Variants in ZNF417 observed in about 807,000 individuals in gnomAD.
ZNF417 encodes zinc finger protein 417.
ZNF417 carries 5 observed loss-of-function variants against 7.4 expected under a neutral mutation model. The ratio of observed to expected loss-of-function variants is 0.68; its 90% CI spans 0.35 to 1.43. The LOEUF (loss-of-function observed/expected upper bound fraction) is 1.43, where lower values mean the gene tolerates loss of function less well. ZNF417 is among the 40% of genes most tolerant of loss of function. ZNF417 has a pLI of 0.04. For missense variants in ZNF417, 437 were observed against 697.3 expected (o/e 0.63, Z 4.20); for synonymous variants, 147 against 239.1 (o/e 0.61, Z 3.55).
chr19:57,916,528 C>A lies in ZNF417; in HGVS notation c.-117G>T. ...CCTTCTAGGTTCAGTCACCGCGGTCCCCCCCCAGCACTCAGGGGCCACAAA... is the reference window on the plus strand; with the variant it reads ...CCTTCTAGGTTCAGTCACCGCGGTCACCCCCCAGCACTCAGGGGCCACAAA... On this transcript the variant is annotated 5_prime_UTR_variant, in exon 1 of 3. Transcript: ENST00000312026. The A allele has an allele frequency of 1.9e-6, 3 of 1,572,752 alleles. No individual in the cohort carries two copies. The highest frequency in any genetic ancestry group is 1.2e-5 in the South Asian group (1 of 86,576).
intron 2 of ZNF417, 133 bp downstream of exon 2, chr19:57,911,927 A>G: frequency 6.9e-7 from 1 of 1,439,540 alleles, no homozygotes; most frequent in Admixed American, 2.7e-5. Context: ...AAGGCAATAC[A>G]CACAACTTAC....
intron 1 of ZNF417, chr19:57,915,707 C>T (rs1600150824): frequency 2.5e-6 from 1 of 401,998 alleles, no homozygotes; most frequent in Non-Finnish European, 4.4e-6. Flanking sequence ...AAAAGACCCC[C>T]TTCTTGCCTG....
chr19:57,908,848 T>C lies in ZNF417; in HGVS notation c.1430A>G (p.Asn477Ser). The C allele has an allele frequency of 6.2e-7, 1 of 1,614,102 alleles. No homozygotes were observed. ...AATCCTCTGATGTATAGTCACGCAG[T>C]TCTTATTACCAAATAATTTCCCACA... Reference protein sequence around the residue: ...EVCGKLFGNKNCVTIHQRIHT... With the variant: ...EVCGKLFGNKSCVTIHQRIHT... The change falls in exon 3 of 3, where the codon AAC (asparagine) becomes AGC (serine). Residue 477 changes from asparagine to serine, a missense_variant. Physicochemically the swap from Asn to Ser is conservative, Grantham distance 46. Around this residue, in one of 5 missense-constraint regions of ZNF417, gnomAD observed 233 missense variants for 235.5 expected, o/e 0.99. Coordinates refer to ENST00000312026, the MANE Select transcript of ZNF417 (RefSeq NM_152475.3).
At position 57,916,575 on chromosome 19, in the gene ZNF417, C is replaced by A; in HGVS notation, c.-164G>T. On this transcript the variant is annotated 5_prime_UTR_variant, in exon 1 of 3. Transcript: ENST00000312026. ...CAAACTGGGGAAACACCCGCGTCAC[C>A]GATACACAGCCGCTACTAGAGACCC... 6.8e-7 allele frequency: 1 copy of A among 1,480,070 alleles called. No individual in the cohort carries two copies. Among genetic ancestry groups the A allele is most frequent in the East Asian group, 2.5e-5 (1 of 40,752 alleles). The allele number at this position is 1,480,070 out of a possible 1,614,324, so 91.7% of individuals were successfully genotyped here. A position where few individuals can be genotyped will look rare whatever the true frequency, so the allele number is the denominator to read the frequency against.
Position 57,908,789 on chromosome 19 carries a change from A to G in ZNF417, c.1489T>C (p.Cys497Arg). The G allele has an allele frequency of 6.2e-7, 1 of 1,613,072 alleles. No homozygotes were observed. Among genetic ancestry groups the G allele is most frequent in the African/African-American group, 1.3e-5 (1 of 75,014 alleles). Residue 497 changes from cysteine (C) to arginine (R), a missense_variant, in exon 3 of 3, where the codon TGT (cysteine) becomes CGT (arginine). Transcript: ENST00000312026. Reference protein sequence around the residue: ...TGERPYECNECGKSFLSSSAL... With the variant: ...TGERPYECNERGKSFLSSSAL... ...GAGCTGGAAAGAAATGATTTCCCAC[A>G]TTCATTGCATTCATACGGCCTTTCT...
At chr19:57,912,831 T>G (rs571649878) in intron 1 of ZNF417, among the ~76,000 whole-genome samples, 1 of 151,964 alleles carries the variant, frequency 6.6e-6, no homozygotes, top group South Asian at 2.1e-4. Flanking sequence ...GCCAGGCTGG[T>G]CTTGAGCTCC....
At chr19:57,912,338 G>C in intron 1 of ZNF417, 149 bp from the exon 2 acceptor site, 1 of 1,397,442 alleles carries the variant, frequency 7.2e-7, no homozygotes, top group Non-Finnish European at 9.7e-7. Context: ...GTCTCTTCAT[G>C]GGCCCACTGG....
chr19:57,916,498 C>T lies in ZNF417; in HGVS notation c.-87G>A. The T allele has an allele frequency of 6.2e-7, 1 of 1,607,900 alleles. No homozygotes were observed. Among genetic ancestry groups the T allele is most frequent in the Non-Finnish European group, 8.5e-7 (1 of 1,177,342 alleles). ...CCTCTGGGCACCGAGGACGATTCCT[C>T]TCCACCTTCTAGGTTCAGTCACCGC... On this transcript the variant is annotated 5_prime_UTR_variant, in exon 1 of 3. Coordinates refer to ENST00000312026, the MANE Select transcript of ZNF417 (RefSeq NM_152475.3).
intron 1 of ZNF417, among the ~76,000 whole-genome samples, chr19:57,914,574 T>A (rs1170603711): frequency 6.6e-6 from 1 of 151,572 alleles, no homozygotes; most frequent in Admixed American, 6.6e-5. Context: ...CTCATGTGAT[T>A]TGCCACGTAT....
Position 57,908,374 on chromosome 19 carries a change from A to G in ZNF417, c.*176T>C, listed in dbSNP as rs559832973. On this transcript the variant is annotated 3_prime_UTR_variant, in exon 3 of 3. Transcript: ENST00000312026. ...AGCCAAGATTGCACCACTGCACTCC[A>G]GCCTGGGTGACAGAATGAGACTCCG... 7.4e-5 allele frequency: 93 copies of G among 1,256,270 alleles called. No homozygotes were observed. Among genetic ancestry groups the G allele is most frequent in the Non-Finnish European group, 9.8e-5 (89 of 905,960 alleles). 77.8% of individuals were successfully genotyped at this position (1,256,270 alleles called of 1,614,324 possible).
rs1452659621 is a variant in ZNF417, at chr19:57,916,497, T to C, written c.-86A>G. ...GCCTCTGGGCACCGAGGACGATTCC[T>C]CTCCACCTTCTAGGTTCAGTCACCG... On this transcript the variant is annotated 5_prime_UTR_variant, in exon 1 of 3. Coordinates refer to ENST00000312026, the MANE Select transcript of ZNF417 (RefSeq NM_152475.3). The C allele has an allele frequency of 1.6e-5, 25 of 1,607,578 alleles. No individual in the cohort carries two copies. Among genetic ancestry groups the C allele is most frequent in the East Asian group, 2.2e-5 (1 of 44,724 alleles).
At position 57,912,082 on chromosome 19, in the gene ZNF417, G is replaced by C. The variant is rs898181465; in HGVS notation, c.141C>G (p.Asn47Lys). 6.3e-7 allele frequency: 1 copy of C among 1,594,320 alleles called. No individual in the cohort carries two copies. Among genetic ancestry groups the C allele is most frequent in the Non-Finnish European group, 8.6e-7 (1 of 1,167,932 alleles). ...RCLYRDVMLENLALISSLGCW... is the reference protein window; with the variant it reads ...RCLYRDVMLEKLALISSLGCW... ...TACCCAGCGAGGATATGAGAGCCAG[G>C]TTCTCTAGCATCACATCACGGTACA... The change falls in exon 2 of 3, where the codon AAC becomes AAG. Residue 47 changes from asparagine to lysine, a missense_variant. This residue lies in a region of ZNF417 where 57 missense variants were observed against 70.7 expected (regional missense o/e 0.81). Coordinates refer to ENST00000312026, the MANE Select transcript of ZNF417 (RefSeq NM_152475.3).
rs1204687654 is a variant in ZNF417 at position 57,909,007 on chromosome 19, G to T, written c.1271C>A (p.Thr424Asn). 1 of 1,606,820 alleles carries T rather than the reference G, an allele frequency of 6.2e-7. No individual in the cohort carries two copies. The highest frequency in any genetic ancestry group is 8.5e-7 in the Non-Finnish European group (1 of 1,173,770). The change falls in exon 3 of 3, where the codon ACT becomes AAT. Residue 424 changes from threonine (T) to asparagine (N), a missense_variant. Thr to Asn is a moderately conservative substitution (Grantham distance 65). This residue lies in a region of ZNF417 where 233 missense variants were observed against 235.5 expected (regional missense o/e 0.99). Transcript: ENST00000312026. ...CCCAGTGTGAAGTCTCTGGTGTTCA[G>T]TGAGGTGGGATCTGTACCTAAATGA... ...GKSFRYRSHL[T>N]EHQRLHTGER... is the part of the protein sequence containing the mutation.
chr19:57,912,668 G>A (rs2071909246), intron 1 of ZNF417, among the ~76,000 whole-genome samples: 1 of 152,108 alleles, frequency 6.6e-6, no homozygotes, highest in Non-Finnish European at 1.5e-5. Flanking sequence ...GAGTGCAGTG[G>A]CATGATCTTG....
rs1375082574 is a variant in ZNF417, at chr19:57,909,140, A to G, written c.1138T>C (p.Tyr380His). The G allele has an allele frequency of 3.0e-5, 49 of 1,614,064 alleles. No individual in the cohort carries two copies. The highest frequency in any genetic ancestry group is 3.7e-5 in the Non-Finnish European group (44 of 1,180,036). The change falls in exon 3 of 3, where the codon TAC (tyrosine) becomes CAC (histidine). Residue 380 changes from tyrosine (Y) to histidine (H), a missense_variant. Physicochemically the swap from Tyr to His is moderately conservative, Grantham distance 83. Around this residue, in one of 5 missense-constraint regions of ZNF417, gnomAD observed 233 missense variants for 235.5 expected, o/e 0.99. Coordinates refer to ENST00000312026, the MANE Select transcript of ZNF417 (RefSeq NM_152475.3). ...HQRVHTGERP[Y>H]KCGECGKSFG... The stretch of plus-strand genomic sequence containing the variant: ...GATTTTCCACATTCTCCACACTTGT[A>G]AGGCCTTTCTCCAGTGTGAACACGC...
intron 1 of ZNF417, among the ~76,000 whole-genome samples, chr19:57,913,539 A>G (rs10412003): frequency 0.43 from 64,815 of 152,046 alleles, 15,168 homozygotes; most frequent in African/African-American, 0.61. Flanking sequence ...ACATGCACCA[A>G]GCTGAATGAA....
Position 57,906,705 on chromosome 19 carries a change from G to A in ZNF417, c.*1845C>T, listed in dbSNP as rs1343052008. 8.7e-6 allele frequency: 1 copy of A among 114,360 alleles called. No individual in the cohort carries two copies. Among genetic ancestry groups the A allele is most frequent in the Non-Finnish European group, 1.7e-5 (1 of 57,672 alleles). 7.1% of individuals were successfully genotyped at this position (114,360 alleles called of 1,614,324 possible). A position where few individuals can be genotyped will look rare whatever the true frequency, so the allele number is the denominator to read the frequency against. ...GAACCTGGGAGGCGGAGGTTGCAGT[G>A]AGCCGAGACCATGCCATTGCACTTC... On this transcript the variant is annotated 3_prime_UTR_variant, in exon 3 of 3. Transcript: ENST00000312026.
Position 57,916,568 on chromosome 19 carries a change from G to A in ZNF417, c.-157C>T. ...GGGGCCACAAACTGGGGAAACACCC[G>A]CGTCACCGATACACAGCCGCTACTA... On this transcript the variant is annotated 5_prime_UTR_variant, in exon 1 of 3. Coordinates refer to ENST00000312026, the MANE Select transcript of ZNF417 (RefSeq NM_152475.3). 2.7e-6 allele frequency: 4 copies of A among 1,491,594 alleles called. No homozygotes were observed. Among genetic ancestry groups the A allele is most frequent in the African/African-American group, 1.4e-5 (1 of 71,556 alleles). The allele number at this position is 1,491,594 out of a possible 1,614,324, so 92.4% of individuals were successfully genotyped here.
At position 57,912,176 on chromosome 19, in the gene ZNF417, G is replaced by A. The variant is rs762958551; in HGVS notation, c.47C>T (p.Thr16Ile). ...PRRPTQQGTV[T>I]FEDVAVNFSQ... ...AAAGTTCACAGCCACATCTTCAAAGGTCACAGTGCCCTGCTATGATAGTGA... is the reference window on the plus strand; with the variant it reads ...AAAGTTCACAGCCACATCTTCAAAGATCACAGTGCCCTGCTATGATAGTGA... Residue 16 changes from threonine (T) to isoleucine (I), a missense_variant, in exon 2 of 3, where the codon ACC becomes ATC. Around this residue, in one of 5 missense-constraint regions of ZNF417, gnomAD observed 57 missense variants for 70.7 expected, o/e 0.81. Coordinates refer to ENST00000312026, the MANE Select transcript of ZNF417 (RefSeq NM_152475.3). 3.1e-6 allele frequency: 5 copies of A among 1,612,266 alleles called. No individual in the cohort carries two copies. Among genetic ancestry groups the A allele is most frequent in the Non-Finnish European group, 3.4e-6 (4 of 1,179,526 alleles).
Sources: gnomAD v4.1 joint callset for allele counts (sites outside exome capture counted in the v4.1 genomes callset) on GRCh38, gnomAD v4.1.1 for gene constraint, gnomAD v4.1.1 regional missense constraint, MANE v1.5 for transcripts, NCBI Gene and HGNC (gene_info 2026-07-23, HGNC 2026-07-21) for gene names.